Variants in COG3 observed in about 807,000 individuals in gnomAD.
The protein encoded by COG3 is conserved oligomeric Golgi complex subunit 3.
COG3 carries 32 observed loss-of-function variants against 114.1 expected under a neutral mutation model. That is an observed-to-expected ratio of 0.28 (90% CI 0.21 to 0.38). The LOEUF is 0.38. COG3 is among the 10% of genes least tolerant of loss of function. The pLI, the probability that COG3 is intolerant of heterozygous loss-of-function variation, is 1.00. For missense variants in COG3, 813 were observed against 973.2 expected (o/e 0.84, Z 2.19); for synonymous variants, 352 against 365.7 (o/e 0.96, Z 0.43).
intron 17 of COG3, among the ~76,000 whole-genome samples, chr13:45,517,833 A>G (rs565687116): frequency 5.1e-4 from 77 of 152,250 alleles, no homozygotes; most frequent in Non-Finnish European, 9.0e-4. Context: ...GCTTGGTTCT[A>G]GTGTAGATCA....
chr13:45,512,632 C>T lies in COG3; in HGVS notation c.1809+778C>T, dbSNP rs896062754. On this transcript the variant is annotated intron_variant, in intron 16 of 22. Transcript: ENST00000349995. ...ACAGGTGTGAGCCACTGTGCCTGGC[C>T]TTTTTTTTTTTCTGAGAGAGGGTCT... Among the ~76,000 whole-genome samples the T allele has an allele frequency of 4.1e-5, 6 of 144,728 alleles. No homozygotes were observed. The East Asian group carries it at 6.0e-4, about 15-fold the overall frequency. The allele number at this position is 144,728 out of a possible 152,430, so 94.9% of individuals were successfully genotyped here. A position where few individuals can be genotyped will look rare whatever the true frequency, so the allele number is the denominator to read the frequency against.
At chr13:45,481,389 T>C in intron 5 of COG3, 85 bp downstream of exon 5, 1 of 712,442 alleles carries the variant, frequency 1.4e-6, no homozygotes, top group Non-Finnish European at 2.4e-6. Flanking sequence ...AATCTATAAA[T>C]TGGCTTGAGT....
chr13:45,476,070 ATTAAC>A, intron 1 of COG3, 126 bp from the exon 2 acceptor site: 4 of 796,588 alleles, frequency 5.0e-6, no homozygotes, highest in Non-Finnish European at 6.1e-6. Flanking sequence ...TATAGTATTT[ATTAAC>A]TTAATGTGAT....
chr13:45,465,369 C>T, intron 1 of COG3, 159 bp downstream of exon 1: 3 of 1,248,182 alleles, frequency 2.4e-6, no homozygotes, highest in Non-Finnish European at 3.2e-6. Context: ...ATCTCCCAGG[C>T]TGTCAGGCTT....
In COG3 at chr13:45,481,257, A is replaced by G. The variant is rs749224670; in HGVS notation, c.577A>G (p.Ile193Val). Residue 193 changes from isoleucine to valine, a missense_variant, in exon 5 of 23, where the codon ATT becomes GTT. By Grantham distance (29) the Ile-to-Val change is conservative. This residue lies in a region of COG3 where 424 missense variants were observed against 430.6 expected (regional missense o/e 0.98). Transcript: ENST00000349995. Reference protein sequence around the residue: ...QSELVDLAENIQQKLSYFNEL... With the variant: ...QSELVDLAENVQQKLSYFNEL... Reference sequence around the variant, plus strand: ...GGAACTTGTTGATCTGGCTGAAAACATTCAACAAAAGCTTTCCTATTTTAA... The same window carrying G: ...GGAACTTGTTGATCTGGCTGAAAACGTTCAACAAAAGCTTTCCTATTTTAA... 3.8e-6 allele frequency: 6 copies of G among 1,598,534 alleles called. No homozygotes were observed. Among genetic ancestry groups the G allele is most frequent in the East Asian group, 4.5e-5 (2 of 44,612 alleles).
intron 14 of COG3, among the ~76,000 whole-genome samples, chr13:45,506,569 C>T (rs1014669288): frequency 2.6e-5 from 4 of 152,000 alleles, no homozygotes; most frequent in Non-Finnish European, 5.9e-5. Flanking sequence ...AAAATCTGCC[C>T]CTGGGGTAGG....
chr13:45,535,341 T>G lies in COG3; in HGVS notation c.*610T>G. Reference sequence around the variant, plus strand: ...GAGGTAGTTTAAAGATACAAGGACTTTGTGTGAAGCTCCAGCATCTGTGCC... The same window carrying G: ...GAGGTAGTTTAAAGATACAAGGACTGTGTGTGAAGCTCCAGCATCTGTGCC... On this transcript the variant is annotated 3_prime_UTR_variant, in exon 23 of 23. Coordinates refer to ENST00000349995, the MANE Select transcript of COG3 (RefSeq NM_031431.4). The G allele has an allele frequency of 1.0e-6, 1 of 985,476 alleles. No homozygotes were observed. The highest frequency in any genetic ancestry group is 1.2e-6 in the Non-Finnish European group (1 of 829,962). The allele number at this position is 985,476 out of a possible 1,614,324, so 61.0% of individuals were successfully genotyped here. A position where few individuals can be genotyped will look rare whatever the true frequency, so the allele number is the denominator to read the frequency against.
chr13:45,522,130 C>G (rs1872226803), intron 19 of COG3, among the ~76,000 whole-genome samples: 1 of 151,996 alleles, frequency 6.6e-6, no homozygotes, highest in African/African-American at 2.4e-5. Context: ...TAATGCTTGT[C>G]CCTTGATAAA....
At chr13:45,521,660 A>C (rs1221178927) in intron 19 of COG3, among the ~76,000 whole-genome samples, 1 of 152,132 alleles carries the variant, frequency 6.6e-6, no homozygotes. Context: ...TTCACTTTTT[A>C]CCTAGTGACT....
In COG3 at chr13:45,492,219, G is replaced by A; in HGVS notation, c.1156G>A (p.Glu386Lys). The A allele has an allele frequency of 6.2e-7, 1 of 1,608,184 alleles. No individual in the cohort carries two copies. The highest frequency in any genetic ancestry group is 8.5e-7 in the Non-Finnish European group (1 of 1,177,402). ...VCQDEHQLYN[E>K]FFTKPTSKLD... ...CCAGGATGAACACCAACTTTACAAT[G>A]AATTTTTCACAAAACCAACATCAAA... The change falls in exon 11 of 23, where the codon GAA becomes AAA. Residue 386 changes from glutamate (E) to lysine (K), a missense_variant. By Grantham distance (56) the Glu-to-Lys change is moderately conservative (BLOSUM62 1). Transcript: ENST00000349995.
At chr13:45,479,117 C>A in intron 3 of COG3, 51 bp downstream of exon 3, 2 of 1,251,766 alleles carry the variant, frequency 1.6e-6, no homozygotes, top group South Asian at 2.6e-5. Context: ...AGATCACAGT[C>A]ATCTGAAGCA....
At chr13:45,521,958 G>A (rs8002391) in intron 19 of COG3, among the ~76,000 whole-genome samples, 22,151 of 151,808 alleles carry the variant, frequency 0.15, 2,573 homozygotes, top group African/African-American at 0.32. Context: ...GTGTGCCACC[G>A]TGCCTGGCTA....
chr13:45,482,399 T>C lies in COG3; in HGVS notation c.643T>C (p.Leu215=). The C allele has an allele frequency of 1.3e-6, 2 of 1,545,348 alleles. No homozygotes were observed. The highest frequency in any genetic ancestry group is 1.8e-6 in the Non-Finnish European group (2 of 1,123,988). The change falls in exon 6 of 23, where the codon TTG becomes CTG. Residue 215 remains leucine (L), a synonymous_variant. Transcript: ENST00000349995. ...CTTAAAGAAATTGAATTCCCCTACA[T>C]TGTCGGTGAATAGTGACGGATTTAT... ...TINTKLNSPT[L]SVNSDGFIPM...
chr13:45,475,391 C>T (rs1259996956), intron 1 of COG3, among the ~76,000 whole-genome samples: 5 of 151,534 alleles, frequency 3.3e-5, no homozygotes, highest in Non-Finnish European at 5.9e-5. Context: ...TCAGTAGAGA[C>T]GGGGGTGTCA....
chr13:45,516,026 A>G, intron 16 of COG3, 117 bp from the exon 17 acceptor site: 2 of 692,302 alleles, frequency 2.9e-6, no homozygotes, highest in Non-Finnish European at 4.2e-6. Flanking sequence ...ACTAAAGAGA[A>G]TTGACACCAT....
intron 20 of COG3, among the ~76,000 whole-genome samples, chr13:45,528,845 CTT>C (rs1466300966): frequency 6.6e-6 from 1 of 152,182 alleles, no homozygotes; most frequent in Non-Finnish European, 1.5e-5. Context: ...TCCTTATACT[CTT>C]AACATGTCTG....
intron 9 of COG3, 117 bp downstream of exon 9, chr13:45,491,075 C>G: frequency 2.9e-6 from 2 of 693,684 alleles, no homozygotes; most frequent in East Asian, 5.5e-5. Flanking sequence ...GTTCTTGTAA[C>G]ATACCACTTA....
intron 22 of COG3, among the ~76,000 whole-genome samples, chr13:45,532,638 C>T (rs369601243): frequency 5.1e-5 from 7 of 137,108 alleles, no homozygotes; most frequent in South Asian, 4.7e-4. Flanking sequence ...GGCGTGATCT[C>T]GGCTCACTGC....
Position 45,465,174 on chromosome 13 carries a change from GA to G in COG3, c.140del (p.Lys47ArgfsTer21). The G allele has an allele frequency of 6.2e-7, 1 of 1,613,714 alleles. No individual in the cohort carries two copies. Among genetic ancestry groups the G allele is most frequent in the Non-Finnish European group, 8.5e-7 (1 of 1,179,910 alleles). ...DRQTDSVLELKAAAENLPVPA... is the reference protein window; with the variant it reads ...DRQTDSVLELXAAAENLPVPA... The stretch of plus-strand genomic sequence containing the variant: ...GGCAGACGGACTCGGTATTGGAGCT[GA>G]AGGCGGCGGCAGAGAACTTGCCGGT... On this transcript the variant is annotated frameshift_variant, in exon 1 of 23. Coordinates refer to ENST00000349995, the MANE Select transcript of COG3 (RefSeq NM_031431.4). LOFTEE classifies it high-confidence loss of function.
Sources: allele counts gnomAD v4.1 joint callset (sites outside exome capture counted in the v4.1 genomes callset), GRCh38; gene constraint gnomAD v4.1.1; regional missense constraint gnomAD v4.1.1; transcripts MANE v1.5; gene names NCBI Gene and HGNC (gene_info 2026-07-23, HGNC 2026-07-21).